PDE11A: variants seen among roughly 807,000 people sequenced by gnomAD.
PDE11A encodes phosphodiesterase 11A.
Under a neutral mutation model 100.5 loss-of-function variants are expected in PDE11A, and 100 were observed. The ratio of observed to expected loss-of-function variants is 1.00; its 90% CI spans 0.85 to 1.18. PDE11A has a LOEUF of 1.18. Among genes scored for constraint, PDE11A ranks in the 50% most tolerant of loss-of-function variants. The pLI is 0.00. For missense variants in PDE11A, 1,141 were observed against 1,152.6 expected (o/e 0.99, Z 0.15); for synonymous variants, 381 against 420.8 (o/e 0.91, Z 1.16).
At chr2:177,828,807 A>G (rs910553551) in intron 6 of PDE11A, among the ~76,000 whole-genome samples, 1 of 151,522 alleles carries the variant, frequency 6.6e-6, no homozygotes, top group African/African-American at 2.4e-5. Context: ...TAGATCTCTG[A>G]AAGAATTGCA....
intron 16 of PDE11A, among the ~76,000 whole-genome samples, chr2:177,679,846 T>G (rs1302819040): frequency 1.3e-5 from 2 of 150,350 alleles, no homozygotes; most frequent in South Asian, 2.1e-4. Flanking sequence ...GGCGAGGAGG[T>G]GGAAGGAATG....
At chr2:177,687,929 G>A (rs1303735733) in intron 15 of PDE11A, 5 of 152,234 alleles carry the variant, frequency 3.3e-5, no homozygotes, top group African/African-American at 1.2e-4. Flanking sequence ...TTACTACCGT[G>A]GTATTTGCCA....
intron 19 of PDE11A, among the ~76,000 whole-genome samples, chr2:177,656,132 C>CA: frequency 6.6e-6 from 1 of 152,330 alleles, no homozygotes; most frequent in Non-Finnish European, 1.5e-5. Flanking sequence ...TATAACAGTG[C>CA]ATACTCTGAT....
intron 9 of PDE11A, among the ~76,000 whole-genome samples, chr2:177,807,082 A>T (rs1187475846): frequency 3.3e-5 from 5 of 152,198 alleles, no homozygotes; most frequent in African/African-American, 1.2e-4. Context: ...AACACCAAGC[A>T]TAAGAAACAT....
chr2:177,898,613 T>C (rs533991381), intron 3 of PDE11A, among the ~76,000 whole-genome samples: 3 of 152,332 alleles, frequency 2.0e-5, no homozygotes, highest in African/African-American at 7.2e-5. Context: ...AAATTACTAA[T>C]GAGCACCAGA....
At chr2:178,060,901 A>G (rs1032283327) in intron 1 of PDE11A, among the ~76,000 whole-genome samples, 3 of 149,154 alleles carry the variant, frequency 2.0e-5, no homozygotes, top group Non-Finnish European at 4.5e-5. Flanking sequence ...TTTTCTTAGC[A>G]TGACTGGAAT....
chr2:177,705,853 G>T (rs1006311283), intron 13 of PDE11A, among the ~76,000 whole-genome samples: 1 of 152,314 alleles, frequency 6.6e-6, no homozygotes, highest in Non-Finnish European at 1.5e-5. Flanking sequence ...TCATTCCCAA[G>T]AAATGAGTAT....
chr2:177,755,523 C>T (rs1355606895), intron 10 of PDE11A, among the ~76,000 whole-genome samples: 1 of 152,172 alleles, frequency 6.6e-6, no homozygotes, highest in Non-Finnish European at 1.5e-5. Flanking sequence ...CACCAGGTAC[C>T]TCTTTCCTTT....
chr2:177,794,773 TG>T (rs1406783018), intron 9 of PDE11A, among the ~76,000 whole-genome samples: 699 of 64,990 alleles, frequency 0.011, 4 homozygotes, highest in East Asian at 0.091. Context: ...GGTTTTTGTT[TG>T]TTTGTTTGTT....
At chr2:177,847,549 G>C (rs2083620985) in intron 5 of PDE11A, among the ~76,000 whole-genome samples, 2 of 152,124 alleles carry the variant, frequency 1.3e-5, no homozygotes, top group South Asian at 2.1e-4. Flanking sequence ...GTGGTTCTTA[G>C]CTGCCATGTA....
At chr2:177,886,428 T>G (rs34171827) in intron 4 of PDE11A, among the ~76,000 whole-genome samples, 15,901 of 152,246 alleles carry the variant, frequency 0.1, 1,143 homozygotes, top group Non-Finnish European at 0.15. Flanking sequence ...AGTTTACACC[T>G]GAGTGCCTAG....
intron 16 of PDE11A, among the ~76,000 whole-genome samples, chr2:177,679,824 G>T (rs1371704357): frequency 6.6e-6 from 1 of 152,070 alleles, no homozygotes; most frequent in African/African-American, 2.4e-5. Context: ...ATAGAGCCAG[G>T]TTGGGGTAAG....
chr2:177,969,056 GAC>G (rs61672183), intron 2 of PDE11A, among the ~76,000 whole-genome samples: 35,960 of 152,024 alleles, frequency 0.24, 4,349 homozygotes, highest in Middle Eastern at 0.28. Flanking sequence ...AAGAAAATGT[GAC>G]ACATATACAC....
intron 2 of PDE11A, chr2:177,997,901 C>T (rs1191322997): frequency 6.6e-6 from 9 of 1,359,168 alleles, no homozygotes. Context: ...CTCATCTCCA[C>T]CAACAATTTC....
intron 2 of PDE11A, among the ~76,000 whole-genome samples, chr2:178,086,102 G>A (rs561721290): frequency 2.6e-5 from 4 of 152,120 alleles, no homozygotes; most frequent in Non-Finnish European, 4.4e-5. Context: ...CCATCTCCTG[G>A]CTGAATCAAT....
At chr2:177,770,477 G>A (rs1558929919) in intron 9 of PDE11A, among the ~76,000 whole-genome samples, 1 of 152,248 alleles carries the variant, frequency 6.6e-6, no homozygotes, top group African/African-American at 2.4e-5. Context: ...AGCTGGGGTG[G>A]TCCTATAGGG....
chr2:177,778,479 T>C (rs1044927995), intron 9 of PDE11A, among the ~76,000 whole-genome samples: 1 of 152,228 alleles, frequency 6.6e-6, no homozygotes, highest in Non-Finnish European at 1.5e-5. Context: ...ACAAAAGGGC[T>C]GCATGAATAC....
chr2:177,811,262 T>C (rs1254304607), intron 9 of PDE11A, among the ~76,000 whole-genome samples: 3 of 152,168 alleles, frequency 2.0e-5, no homozygotes, highest in Non-Finnish European at 2.9e-5. Context: ...TCTGAAGCTC[T>C]TGGTCATATA....
Position 178,105,731 on chromosome 2 carries a change from C to T in PDE11A, c.-13-1255G>A, listed in dbSNP as rs1443089259. ...GGCATAGGTCTCACCTGCAGCCTGG[C>T]ACCCAATATCACCTCACAGCTCTGA... On this transcript the variant is annotated intron_variant, in intron 1 of 20. Coordinates refer to the PDE11A transcript ENST00000358450. 7.2e-6 allele frequency: 8 copies of T among 1,106,252 alleles called. No individual in the cohort carries two copies. The African/African-American group carries it at 9.7e-5, about 13-fold the overall frequency. 68.5% of individuals were successfully genotyped at this position (1,106,252 alleles called of 1,614,324 possible). A position where few individuals can be genotyped will look rare whatever the true frequency, so the allele number is the denominator to read the frequency against.
Sources: allele counts gnomAD v4.1 joint callset (sites outside exome capture counted in the v4.1 genomes callset), GRCh38; gene constraint gnomAD v4.1.1; transcripts MANE v1.5; gene names NCBI Gene and HGNC (gene_info 2026-07-23, HGNC 2026-07-21).